SEC14L1: variants seen among roughly 807,000 people sequenced by gnomAD.
SEC14L1 encodes the protein SEC14 like lipid binding 1.
In SEC14L1, 48 loss-of-function variants were observed where a neutral mutation model predicts 85.3. That is an observed-to-expected ratio of 0.56 (90% CI 0.45 to 0.72). The LOEUF (loss-of-function observed/expected upper bound fraction) is 0.72, where lower values mean the gene tolerates loss of function less well. Ranked by LOEUF, SEC14L1 falls within the 30% of genes least tolerant of loss-of-function variation. The probability of loss-of-function intolerance (pLI) is 0.00; values close to 1 mark genes in which losing one functional copy is unlikely to be tolerated. For synonymous variants in SEC14L1, 391 were observed against 355.5 expected (o/e 1.10, Z -1.12); for missense variants, 682 against 921.4 (o/e 0.74, Z 3.36).
intron 3 of SEC14L1, among the ~76,000 whole-genome samples, chr17:77,113,756 G>C (rs1972102972): frequency 6.6e-6 from 1 of 151,876 alleles, no homozygotes; most frequent in South Asian, 2.1e-4. Context: ...AAAAAGAAAA[G>C]AAAAGAAAAA....
intron 3 of SEC14L1, among the ~76,000 whole-genome samples, chr17:77,172,473 G>A (rs1665060932): frequency 6.6e-6 from 1 of 152,050 alleles, no homozygotes; most frequent in Non-Finnish European, 1.5e-5. Flanking sequence ...TTCTTTATAG[G>A]TTTTGGCCCC....
chr17:77,184,181 G>A (rs571186440), intron 3 of SEC14L1, among the ~76,000 whole-genome samples: 1 of 152,334 alleles, frequency 6.6e-6, no homozygotes, highest in South Asian at 2.1e-4. Context: ...ATCACGCCAG[G>A]CTCTGTGGCT....
In SEC14L1 at chr17:77,194,923, A is replaced by C; in HGVS notation, c.709+12A>C. 1 of 1,601,646 alleles carries C rather than the reference A, an allele frequency of 6.2e-7. No individual in the cohort carries two copies. The highest frequency in any genetic ancestry group is 8.6e-7 in the Non-Finnish European group (1 of 1,168,796). On this transcript the variant is annotated intron_variant, in intron 7 of 16. Transcript: ENST00000436233. Reference sequence around the variant, plus strand: ...GGGCACCCCTGACGGTGGGTCTGGCAGGGGCTTCATCCCGAGAGCAAGGCT... The same window carrying C: ...GGGCACCCCTGACGGTGGGTCTGGCCGGGGCTTCATCCCGAGAGCAAGGCT...
chr17:77,155,261 A>G (rs1162411181), intron 3 of SEC14L1, among the ~76,000 whole-genome samples: 1 of 152,108 alleles, frequency 6.6e-6, no homozygotes. Flanking sequence ...ATGCCTCTGA[A>G]ACAGAGTTCA....
At chr17:77,129,168 C>T (rs1972541533) in intron 3 of SEC14L1, among the ~76,000 whole-genome samples, 1 of 152,090 alleles carries the variant, frequency 6.6e-6, no homozygotes, top group Admixed American at 6.6e-5. Context: ...GGATGCCTGG[C>T]GGTGGGAAGC....
At chr17:77,132,226 A>AT (rs1333203539) in intron 3 of SEC14L1, among the ~76,000 whole-genome samples, 14,981 of 133,348 alleles carry the variant, frequency 0.11, 1,399 homozygotes, top group African/African-American at 0.23. Flanking sequence ...TCTGCATGGA[A>AT]TTTTTTTTTT....
chr17:77,170,321 G>C (rs757347340), intron 3 of SEC14L1, among the ~76,000 whole-genome samples: 1 of 152,110 alleles, frequency 6.6e-6, no homozygotes, highest in Non-Finnish European at 1.5e-5. Context: ...GGTGTGATGA[G>C]TGCAACCGTT....
chr17:77,198,287 A>G (rs1040880660), intron 8 of SEC14L1, among the ~76,000 whole-genome samples: 1 of 152,242 alleles, frequency 6.6e-6, no homozygotes, highest in African/African-American at 2.4e-5. Flanking sequence ...GGATTTCCTC[A>G]GTATTTAAAT....
chr17:77,129,437 G>T lies in SEC14L1; in HGVS notation c.-135-13209G>T, dbSNP rs1019760609. On this transcript the variant is annotated intron_variant, in intron 3 of 19. Transcript: ENST00000392476. ...TGCAGTGTGAAGTGAGCACATGTGT[G>T]ATTCTCAGCTGGAGGTCACACTGTG... 3.9e-5 allele frequency among the ~76,000 whole-genome samples: 6 copies of T among 152,180 alleles called. 1 individual carries two copies. The highest frequency in any genetic ancestry group is 8.8e-5 in the Non-Finnish European group (6 of 68,020).
At position 77,154,475 on chromosome 17, in the gene SEC14L1, A is replaced by G. The variant is rs117482633; in HGVS notation, c.63+10816A>G. ...GTATCTAAAAGATGTGTGTCTGTGT[A>G]TATGAGAGGATGTGTGTAGGTTAAA... On this transcript the variant is annotated intron_variant, in intron 3 of 16. Coordinates refer to ENST00000436233, the MANE Select transcript of SEC14L1 (RefSeq NM_001143998.2). 6.5e-3 allele frequency among the ~76,000 whole-genome samples: 987 copies of G among 152,270 alleles called. 23 individuals are homozygous for G. Among genetic ancestry groups the G allele is most frequent in the Admixed American group, 0.045 (687 of 15,294 alleles).
chr17:77,194,058 T>C (rs918007561), intron 6 of SEC14L1, among the ~76,000 whole-genome samples: 5 of 152,194 alleles, frequency 3.3e-5, no homozygotes, highest in African/African-American at 1.2e-4. Flanking sequence ...TTGGAAAGAA[T>C]TGAAATTGAG....
intron 5 of SEC14L1, among the ~76,000 whole-genome samples, chr17:77,193,145 A>G (rs986508078): frequency 6.6e-6 from 1 of 152,236 alleles, no homozygotes; most frequent in Non-Finnish European, 1.5e-5. Flanking sequence ...AGTATGTTGA[A>G]TGAATGAATG....
At chr17:77,151,913 A>AT (rs769922481) in intron 3 of SEC14L1, among the ~76,000 whole-genome samples, 1 of 152,208 alleles carries the variant, frequency 6.6e-6, no homozygotes, top group East Asian at 1.9e-4. Context: ...ATTAAAGCAG[A>AT]TTTCAGGTAT....
upstream of SEC14L1, among the ~76,000 whole-genome samples, chr17:77,140,046 G>A (rs1185757887): frequency 2.6e-5 from 4 of 152,222 alleles, no homozygotes; most frequent in Non-Finnish European, 5.9e-5. Flanking sequence ...GAACAACAGT[G>A]ACTTTGACAG....
intron 13 of SEC14L1, among the ~76,000 whole-genome samples, chr17:77,208,834 T>G (rs908231205): frequency 2.0e-5 from 3 of 152,272 alleles, no homozygotes; most frequent in African/African-American, 7.2e-5. Flanking sequence ...TAATTCAACT[T>G]GTTTCAGGCA....
At chr17:77,211,867 AT>A in intron 14 of SEC14L1, 82 bp from the exon 15 acceptor site, 1 of 1,548,718 alleles carries the variant, frequency 6.5e-7, no homozygotes, top group East Asian at 2.2e-5. Flanking sequence ...TGCACCCTGG[AT>A]CCCCTGGAGA....
intron 3 of SEC14L1, among the ~76,000 whole-genome samples, chr17:77,126,514 C>T (rs897708561): frequency 6.6e-6 from 1 of 152,164 alleles, no homozygotes; most frequent in Admixed American, 6.6e-5. Flanking sequence ...CCTCGGTCTC[C>T]CTGATATGGA....
At chr17:77,179,368 G>A (rs1974906820) in intron 3 of SEC14L1, among the ~76,000 whole-genome samples, 1 of 152,188 alleles carries the variant, frequency 6.6e-6, no homozygotes, top group African/African-American at 2.4e-5. Flanking sequence ...TGAGCAACAT[G>A]TTTACTGTCT....
chr17:77,135,710 A>C (rs1244283044), intron 3 of SEC14L1, among the ~76,000 whole-genome samples: 2 of 150,578 alleles, frequency 1.3e-5, no homozygotes, highest in East Asian at 2.0e-4. Context: ...CTAATTTTTT[A>C]AAAATTGTTT....
Sources: allele counts gnomAD v4.1 joint callset (sites outside exome capture counted in the v4.1 genomes callset), GRCh38; gene constraint gnomAD v4.1.1; transcripts MANE v1.5; gene names NCBI Gene and HGNC (gene_info 2026-07-23, HGNC 2026-07-21).